KLHL23: variants seen among roughly 807,000 people sequenced by gnomAD.
KLHL23 encodes kelch-like protein 23.
A neutral mutation model predicts 48.9 loss-of-function variants in KLHL23; 33 were observed. The observed-to-expected ratio is 0.67, with a 90% confidence interval of 0.51 to 0.90. The LOEUF is 0.90. Ranked by LOEUF, KLHL23 falls within the 40% of genes least tolerant of loss-of-function variation. The probability of loss-of-function intolerance (pLI) is 0.00; values close to 1 mark genes in which losing one functional copy is unlikely to be tolerated. For synonymous variants in KLHL23, 234 were observed against 231.6 expected (o/e 1.01, Z -0.09); for missense variants, 608 against 669.6 (o/e 0.91, Z 1.02).
At chr2:169,745,142 C>A (rs1180037090) in intron 3 of KLHL23, among the ~76,000 whole-genome samples, 2 of 151,682 alleles carry the variant, frequency 1.3e-5, no homozygotes, top group Non-Finnish European at 2.9e-5. Flanking sequence ...GTCTTGAACT[C>A]CTGGCCTAAA....
Position 169,749,783 on chromosome 2 carries a change from T to TAA in KLHL23, c.*57_*58dup. On this transcript the variant is annotated 3_prime_UTR_variant, in exon 4 of 4. Transcript: ENST00000392647. ...ATCACTTTTTTGGAGTATAGTTTTA[T>TAA]AAAAAAAGAATGCAGGGTTTGAAGT... The TAA allele has an allele frequency of 6.6e-7, 1 of 1,522,096 alleles. No individual in the cohort carries two copies. Among genetic ancestry groups the TAA allele is most frequent in the Non-Finnish European group, 8.8e-7 (1 of 1,133,414 alleles). The allele number at this position is 1,522,096 out of a possible 1,614,324, so 94.3% of individuals were successfully genotyped here.
intron 3 of KLHL23, among the ~76,000 whole-genome samples, chr2:169,748,820 C>T (rs1045114491): frequency 1.3e-5 from 2 of 150,856 alleles, no homozygotes; most frequent in African/African-American, 4.9e-5. Flanking sequence ...ACCCGGATCC[C>T]ACACAGCAGC....
At chr2:169,745,284 G>A (rs1433114896) in intron 3 of KLHL23, among the ~76,000 whole-genome samples, 4 of 151,912 alleles carry the variant, frequency 2.6e-5, no homozygotes, top group Non-Finnish European at 5.9e-5. Flanking sequence ...AGGCCAAGGT[G>A]GGCGGATCAT....
At chr2:169,742,268 G>T (rs1188320413) in intron 3 of KLHL23, among the ~76,000 whole-genome samples, 1 of 152,198 alleles carries the variant, frequency 6.6e-6, no homozygotes, top group Non-Finnish European at 1.5e-5. Context: ...GTGGGTCAGT[G>T]GAGGGGGTAG....
At chr2:169,737,189 G>A (rs929261752) in intron 2 of KLHL23, among the ~76,000 whole-genome samples, 1 of 152,158 alleles carries the variant, frequency 6.6e-6, no homozygotes, top group Non-Finnish European at 1.5e-5. Context: ...ACCTAGTCTC[G>A]GATCATTGAG....
chr2:169,738,847 CCTT>C (rs1462260358), intron 2 of KLHL23, among the ~76,000 whole-genome samples: 3 of 4,794 alleles, frequency 6.3e-4, no homozygotes, highest in African/African-American at 1.8e-3. Flanking sequence ...CTCCCCCTCC[CCTT>C]CCTCACCCTC....
intron 2 of KLHL23, among the ~76,000 whole-genome samples, chr2:169,736,763 C>T (rs994196063): frequency 2.6e-5 from 4 of 152,088 alleles, no homozygotes; most frequent in Admixed American, 2.6e-4. Context: ...CTGTGTTTGG[C>T]GATTTGTTTG....
At chr2:169,744,938 T>G (rs936196357) in intron 3 of KLHL23, among the ~76,000 whole-genome samples, 1 of 130,210 alleles carries the variant, frequency 7.7e-6, no homozygotes, top group Non-Finnish European at 1.6e-5. Context: ...AGGTTTTTGT[T>G]TTTTGTTTTT....
In KLHL23 at chr2:169,736,128, T is replaced by A. The variant is rs1390772493; in HGVS notation, c.1114T>A (p.Tyr372Asn). The A allele has an allele frequency of 6.2e-7, 1 of 1,614,192 alleles. No homozygotes were observed. Among genetic ancestry groups the A allele is most frequent in the South Asian group, 1.1e-5 (1 of 91,084 alleles). The change falls in exon 2 of 4, where the codon TAT (tyrosine) becomes AAT (asparagine). Residue 372 changes from tyrosine to asparagine, a missense_variant. By Grantham distance (143) the Tyr-to-Asn change is moderately radical. Transcript: ENST00000392647. ...TGCAGTCACCTTGGGTGGCTGTGTC[T>A]ATGCTTTAGGTGGTTACAGAAAAGG... ...HCAVTLGGCV[Y>N]ALGGYRKGAP...
intron 3 of KLHL23, among the ~76,000 whole-genome samples, chr2:169,745,117 A>C (rs971490523): frequency 1.3e-5 from 2 of 149,694 alleles, no homozygotes; most frequent in South Asian, 4.2e-4. Context: ...GGGTTTCACT[A>C]TGTTGGCCAG....
intron 3 of KLHL23, among the ~76,000 whole-genome samples, chr2:169,745,948 T>C (rs1688786422): frequency 6.6e-6 from 1 of 152,138 alleles, no homozygotes; most frequent in South Asian, 2.1e-4. Flanking sequence ...GGTAGCTGAA[T>C]GTAGAGATCT....
At chr2:169,741,964 CT>C (rs1193860709) in intron 3 of KLHL23, among the ~76,000 whole-genome samples, 1 of 152,220 alleles carries the variant, frequency 6.6e-6, no homozygotes, top group Non-Finnish European at 1.5e-5. Flanking sequence ...GAAGCATGTT[CT>C]TTCTAGGTTT....
At chr2:169,737,619 C>CTTTTTCTT (rs559574848) in intron 2 of KLHL23, among the ~76,000 whole-genome samples, 45 of 142,628 alleles carry the variant, frequency 3.2e-4, no homozygotes, top group African/African-American at 4.9e-4. Context: ...TTTTCTTTTT[C>CTTTTTCTT]TTTTTTTTTT....
At chr2:169,741,628 T>C (rs1433228117) in intron 3 of KLHL23, 91 bp downstream of exon 3, 4 of 1,447,414 alleles carry the variant, frequency 2.8e-6, no homozygotes, top group African/African-American at 2.8e-5. Context: ...TAGAAAATGC[T>C]GATTTTATTG....
In KLHL23 at chr2:169,735,358, A is replaced by G. The variant is rs1168930016; in HGVS notation, c.344A>G (p.Asp115Gly). Reference protein sequence around the residue: ...RNVQSLLEAADLLQFLSVKKA... With the variant: ...RNVQSLLEAAGLLQFLSVKKA... ...GTTCAAAGCCTGCTTGAGGCAGCGG[A>G]TCTGCTACAGTTCCTTTCAGTAAAG... Residue 115 changes from aspartate to glycine, a missense_variant, in exon 2 of 4, where the codon GAT (aspartate) becomes GGT (glycine). Transcript: ENST00000392647. The surrounding 1 kb of genome is among the most constrained non-coding windows in gnomAD (Gnocchi z 4.5). 6.2e-7 allele frequency: 1 copy of G among 1,612,784 alleles called. No individual in the cohort carries two copies. Among genetic ancestry groups the G allele is most frequent in the Non-Finnish European group, 8.5e-7 (1 of 1,179,802 alleles).
At chr2:169,745,509 G>T (rs1490892102) in intron 3 of KLHL23, among the ~76,000 whole-genome samples, 2 of 64,084 alleles carry the variant, frequency 3.1e-5, no homozygotes, top group Non-Finnish European at 2.8e-5. Flanking sequence ...GTGAGACTCC[G>T]TCTCAAAAAA....
Position 169,749,932 on chromosome 2 carries a change from C to CATATAT in KLHL23, c.*201_*202insTATATA, listed in dbSNP as rs1249471665. On this transcript the variant is annotated 3_prime_UTR_variant, in exon 4 of 4. Transcript: ENST00000392647. The stretch of plus-strand genomic sequence containing the variant: ...AAAATCTTATATATATATATATATA[C>CATATAT]ACACACACATATATGTGTTCATATA... The CATATAT allele has an allele frequency of 8.5e-5, 6 of 70,364 alleles. No homozygotes were observed. Among genetic ancestry groups the CATATAT allele is most frequent in the South Asian group, 2.2e-4 (1 of 4,448 alleles). 4.4% of individuals were successfully genotyped at this position (70,364 alleles called of 1,614,324 possible). A position where few individuals can be genotyped will look rare whatever the true frequency, so the allele number is the denominator to read the frequency against.
intron 3 of KLHL23, among the ~76,000 whole-genome samples, chr2:169,742,558 C>T (rs993571501): frequency 6.6e-6 from 1 of 152,232 alleles, no homozygotes; most frequent in African/African-American, 2.4e-5. Flanking sequence ...CAATCTGTCT[C>T]TCCTTCAGGG....
intron 2 of KLHL23, among the ~76,000 whole-genome samples, chr2:169,738,104 C>G (rs942701425): frequency 2.0e-5 from 3 of 152,136 alleles, no homozygotes; most frequent in Admixed American, 1.3e-4. Flanking sequence ...CTAACTGGGT[C>G]TGAAATTCCA....
Sources: allele counts gnomAD v4.1 joint callset (sites outside exome capture counted in the v4.1 genomes callset), GRCh38; gene constraint gnomAD v4.1.1; non-coding constraint Gnocchi (gnomAD v3.1); transcripts MANE v1.5; gene names NCBI Gene and HGNC (gene_info 2026-07-23, HGNC 2026-07-21).